Variants in LCORL observed in about 807,000 individuals in gnomAD.
The protein encoded by LCORL is ligand dependent nuclear receptor corepressor like.
In LCORL, 41 loss-of-function variants were observed where a neutral mutation model predicts 141.8. That is an observed-to-expected ratio of 0.29 (90% CI 0.23 to 0.38). LCORL has a LOEUF of 0.38. Among genes scored for constraint, LCORL ranks in the 10% least tolerant of loss-of-function variants. The pLI is 1.00. For synonymous variants in LCORL, 618 were observed against 694.1 expected, an observed-to-expected ratio of 0.89 and a Z score of 1.72; for missense variants, 1,759 against 2,035.0, an observed-to-expected ratio of 0.86 and a Z score of 2.61.
chr4:17,997,075 A>G (rs1432914836), intron 1 of LCORL, among the ~76,000 whole-genome samples: 1 of 152,148 alleles, frequency 6.6e-6, no homozygotes, highest in Non-Finnish European at 1.5e-5. Flanking sequence ...CTTTTTCCCC[A>G]TCTCTGTTCA....
chr4:17,910,071 G>A (rs1456892378), intron 4 of LCORL, among the ~76,000 whole-genome samples: 1 of 152,142 alleles, frequency 6.6e-6, no homozygotes, highest in Admixed American at 6.5e-5. Context: ...TCTGTAAAAT[G>A]AGAATATCAC....
intron 2 of LCORL, among the ~76,000 whole-genome samples, chr4:17,972,282 C>T (rs1716118698): frequency 6.6e-6 from 1 of 151,648 alleles, no homozygotes; most frequent in Non-Finnish European, 1.5e-5. Context: ...AAGACATGTC[C>T]TAACAAAAAC....
intron 4 of LCORL, among the ~76,000 whole-genome samples, chr4:17,920,615 C>A (rs1734134352): frequency 6.6e-6 from 1 of 152,216 alleles, no homozygotes; most frequent in African/African-American, 2.4e-5. Flanking sequence ...TGGCATTTTA[C>A]CCCAAGTAGA....
exon 8 of LCORL, chr4:17,844,538 T>C (rs1722736716): frequency 6.6e-6 from 1 of 152,430 alleles, no homozygotes; most frequent in African/African-American, 2.4e-5. Context: ...CAAAGCAAGA[T>C]AGTTATTAAG....
intron 4 of LCORL, among the ~76,000 whole-genome samples, chr4:17,939,879 T>TACACACACACACACACACACACACACAC (rs143670453): frequency 1.4e-3 from 207 of 147,860 alleles, no homozygotes; most frequent in African/African-American, 4.3e-3. Flanking sequence ...TAGGTACATG[T>TACACACACACACACACACACACACACAC]ACACACACAC....
At chr4:17,905,776 A>C (rs1036703142) in intron 5 of LCORL, among the ~76,000 whole-genome samples, 15 of 152,136 alleles carry the variant, frequency 9.9e-5, no homozygotes, top group Admixed American at 7.9e-4. Context: ...AACTGGCTTA[A>C]ATGAGTATTG....
At chr4:17,965,073 A>G (rs1382330690) in intron 2 of LCORL, among the ~76,000 whole-genome samples, 1 of 152,142 alleles carries the variant, frequency 6.6e-6, no homozygotes, top group African/African-American at 2.4e-5. Flanking sequence ...ATTGTCACTT[A>G]TTTTAGATAT....
intron 5 of LCORL, among the ~76,000 whole-genome samples, chr4:17,902,170 G>A (rs942192480): frequency 5.9e-5 from 9 of 152,052 alleles, no homozygotes; most frequent in Non-Finnish European, 8.8e-5. Flanking sequence ...GATGTGGCTG[G>A]ATAGGTGGGC....
At chr4:17,996,708 T>C (rs1720972728) in intron 1 of LCORL, among the ~76,000 whole-genome samples, 1 of 152,054 alleles carries the variant, frequency 6.6e-6, no homozygotes, top group African/African-American at 2.4e-5. Flanking sequence ...AGTTTTATAA[T>C]TCCAAACAGT....
chr4:18,001,846 C>CA (rs1722017621), intron 1 of LCORL, among the ~76,000 whole-genome samples: 1 of 152,080 alleles, frequency 6.6e-6, no homozygotes, highest in African/African-American at 2.4e-5. Flanking sequence ...TAAAATAAAA[C>CA]AAATTTTTTT....
At chr4:18,009,691 T>C (rs1033847108) in intron 1 of LCORL, among the ~76,000 whole-genome samples, 2 of 152,050 alleles carry the variant, frequency 1.3e-5, no homozygotes, top group Admixed American at 6.6e-5. Context: ...CCACCCCAAG[T>C]AGATGTCCTC....
intron 1 of LCORL, among the ~76,000 whole-genome samples, chr4:18,017,301 G>A (rs1258514313): frequency 6.6e-6 from 1 of 152,108 alleles, no homozygotes; most frequent in Non-Finnish European, 1.5e-5. Flanking sequence ...ATCAACTGAT[G>A]CTAAAACTTG....
intron 5 of LCORL, among the ~76,000 whole-genome samples, chr4:17,907,692 A>T (rs1167623864): frequency 1.3e-5 from 2 of 152,064 alleles, no homozygotes; most frequent in Non-Finnish European, 2.9e-5. Context: ...ATATCATAAA[A>T]ATAACACAGG....
At chr4:17,846,640 A>G (rs1722972110) in intron 7 of LCORL, among the ~76,000 whole-genome samples, 1 of 152,180 alleles carries the variant, frequency 6.6e-6, no homozygotes, top group Non-Finnish European at 1.5e-5. Context: ...TTGGCTTTAC[A>G]TTAGGTTGGT....
At chr4:18,011,643 AT>A (rs1247683794) in intron 1 of LCORL, among the ~76,000 whole-genome samples, 1 of 152,188 alleles carries the variant, frequency 6.6e-6, no homozygotes, top group Non-Finnish European at 1.5e-5. Flanking sequence ...TGTATCCTTT[AT>A]CCCAGAGATC....
chr4:17,872,421 A>G (rs536274378), intron 7 of LCORL, among the ~76,000 whole-genome samples: 1 of 152,278 alleles, frequency 6.6e-6, no homozygotes, highest in African/African-American at 2.4e-5. Context: ...CTACAGAGAC[A>G]AAAACAAAAA....
chr4:17,951,206 T>C (rs1739676220), intron 4 of LCORL, among the ~76,000 whole-genome samples: 1 of 152,202 alleles, frequency 6.6e-6, no homozygotes, highest in African/African-American at 2.4e-5. Context: ...CTTATTTATT[T>C]TGCAAAGTGC....
chr4:17,962,022 G>T, exon 4 of LCORL: 1 of 1,598,074 alleles, frequency 6.3e-7, no homozygotes, highest in Non-Finnish European at 8.5e-7. Flanking sequence ...ATCAAGAGAT[G>T]GTATACAATC....
intron 4 of LCORL, among the ~76,000 whole-genome samples, chr4:17,948,778 G>GA (rs886588555): frequency 1.4e-4 from 21 of 149,544 alleles, no homozygotes; most frequent in Admixed American, 6.7e-4. Flanking sequence ...TCATATCAGG[G>GA]AAAAAAAAAG....
Sources: allele counts gnomAD v4.1 joint callset (sites outside exome capture counted in the v4.1 genomes callset), GRCh38; gene constraint gnomAD v4.1.1; transcripts MANE v1.5; gene names NCBI Gene and HGNC (gene_info 2026-07-23, HGNC 2026-07-21).